Variants in ADGRL3 observed in about 807,000 individuals in gnomAD.
ADGRL3 encodes adhesion G protein-coupled receptor L3, also known as calcium-independent alpha-latrotoxin receptor 3.
Under a neutral mutation model 153.5 loss-of-function variants are expected in ADGRL3, and 62 were observed. That is an observed-to-expected ratio of 0.40 (90% CI 0.33 to 0.50). ADGRL3 has a LOEUF of 0.50. ADGRL3 is among the 20% of genes least tolerant of loss of function. ADGRL3 has a pLI of 0.47. For missense variants in ADGRL3, 1,641 were observed against 1,859.4 expected (o/e 0.88, Z 2.16); for synonymous variants, 710 against 672.5 (o/e 1.06, Z -0.86).
At chr4:62,017,440 GT>G (rs762736392) in intron 21 of ADGRL3, among the ~76,000 whole-genome samples, 104 of 141,570 alleles carry the variant, frequency 7.3e-4, no homozygotes, top group Admixed American at 8.5e-4. Flanking sequence ...TTACTTGGGA[GT>G]TTTTTTTTTT....
chr4:61,818,299 T>C (rs1255321229), intron 9 of ADGRL3, among the ~76,000 whole-genome samples: 2 of 152,082 alleles, frequency 1.3e-5, no homozygotes, highest in Non-Finnish European at 2.9e-5. Context: ...ACCTTAAAGC[T>C]CCTTTGCCTC....
intron 1 of ADGRL3, among the ~76,000 whole-genome samples, chr4:61,377,266 A>C (rs558834544): frequency 8.5e-5 from 13 of 152,184 alleles, no homozygotes; most frequent in African/African-American, 3.1e-4. Flanking sequence ...TAGTCACCAC[A>C]ATATATTTCT....
At chr4:62,005,763 A>G (rs2099155188) in intron 21 of ADGRL3, among the ~76,000 whole-genome samples, 1 of 151,716 alleles carries the variant, frequency 6.6e-6, no homozygotes, top group South Asian at 2.1e-4. Context: ...AAATCAGAGA[A>G]TAGTTACAAT....
chr4:61,266,547 G>T (rs925468869), intron 1 of ADGRL3, among the ~76,000 whole-genome samples: 2 of 151,766 alleles, frequency 1.3e-5, no homozygotes, highest in South Asian at 4.1e-4. Flanking sequence ...GACAGAATTT[G>T]TAGATAGGAA....
In ADGRL3 at chr4:61,587,252, G is replaced by A; in HGVS notation, c.285G>A (p.Met95Ile). ...AQAFSRAPIP[M>I]AVVRRELSCE... is the part of the protein sequence containing the mutation. ...CTTTCAGCCGTGCCCCAATTCCAAT[G>A]GCTGTGGTCCGCAGAGAGCTATCCT... is the stretch of plus-strand genomic sequence containing the variant. The change falls in exon 5 of 27, where the codon ATG becomes ATA. Residue 95 changes from methionine (M) to isoleucine (I), a missense_variant. Met to Ile is a conservative substitution (Grantham distance 10). Around this residue, in one of 5 missense-constraint regions of ADGRL3, gnomAD observed 145 missense variants for 79.1 expected, o/e 1.83. Transcript: ENST00000683033. 1 of 1,608,330 alleles carries A rather than the reference G, an allele frequency of 6.2e-7. No individual in the cohort carries two copies. Among genetic ancestry groups the A allele is most frequent in the South Asian group, 1.1e-5 (1 of 90,206 alleles).
At chr4:61,590,061 G>T (rs561741629) in intron 5 of ADGRL3, among the ~76,000 whole-genome samples, 8 of 152,006 alleles carry the variant, frequency 5.3e-5, no homozygotes, top group Non-Finnish European at 1.0e-4. Flanking sequence ...TCTAACCAGA[G>T]AACTTATTAA....
intron 5 of ADGRL3, among the ~76,000 whole-genome samples, chr4:61,620,710 G>A (rs1234540716): frequency 7.5e-6 from 1 of 133,482 alleles, no homozygotes; most frequent in Non-Finnish European, 1.5e-5. Context: ...GTGCGATCTC[G>A]GCTTACTGCA....
At chr4:61,595,815 G>T (rs2098986794) in intron 5 of ADGRL3, among the ~76,000 whole-genome samples, 1 of 152,150 alleles carries the variant, frequency 6.6e-6, no homozygotes, top group Non-Finnish European at 1.5e-5. Context: ...AGGCTTGCAT[G>T]AAACCCAAGT....
intron 4 of ADGRL3, among the ~76,000 whole-genome samples, chr4:61,571,504 G>A (rs2149136800): frequency 6.6e-6 from 1 of 152,018 alleles, no homozygotes. Flanking sequence ...CAGAGACCCT[G>A]TCTCAAAAAA....
intron 1 of ADGRL3, among the ~76,000 whole-genome samples, chr4:61,341,510 A>G (rs965144144): frequency 4.0e-5 from 6 of 150,812 alleles, no homozygotes; most frequent in African/African-American, 1.5e-4. Flanking sequence ...ATGGGGCATC[A>G]TATATATATA....
chr4:61,285,424 T>C (rs1344100767), intron 1 of ADGRL3, among the ~76,000 whole-genome samples: 1 of 151,848 alleles, frequency 6.6e-6, no homozygotes, highest in Non-Finnish European at 1.5e-5. Flanking sequence ...ATTCTATTAA[T>C]ATTTTTCCTC....
intron 8 of ADGRL3, among the ~76,000 whole-genome samples, chr4:61,757,844 G>T (rs927603622): frequency 5.9e-5 from 9 of 152,270 alleles, no homozygotes; most frequent in Non-Finnish European, 1.2e-4. Context: ...TGATTTCAAA[G>T]AACATCTTTA....
chr4:61,318,175 T>G (rs2095268241), intron 1 of ADGRL3, among the ~76,000 whole-genome samples: 1 of 115,342 alleles, frequency 8.7e-6, no homozygotes, highest in Admixed American at 1.2e-4. Flanking sequence ...GCCTGGGTGA[T>G]AGAGTGAGAA....
chr4:61,576,796 A>G (rs1293812107), intron 4 of ADGRL3, among the ~76,000 whole-genome samples: 2 of 151,622 alleles, frequency 1.3e-5, no homozygotes, highest in African/African-American at 2.4e-5. Flanking sequence ...GTTGGAAAAC[A>G]TAACAATGTG....
intron 8 of ADGRL3, among the ~76,000 whole-genome samples, chr4:61,749,033 T>C (rs2152028859): frequency 6.6e-6 from 1 of 151,396 alleles, no homozygotes; most frequent in Non-Finnish European, 1.5e-5. Flanking sequence ...AACAACCCCA[T>C]CAAAAAGTGG....
chr4:61,623,188 T>C (rs1217173639), intron 5 of ADGRL3, among the ~76,000 whole-genome samples: 1 of 152,152 alleles, frequency 6.6e-6, no homozygotes, highest in Non-Finnish European at 1.5e-5. Flanking sequence ...CTGTTCTTGC[T>C]ACCCTCTTTC....
chr4:61,768,808 G>A (rs1203920549), intron 8 of ADGRL3, among the ~76,000 whole-genome samples: 1 of 151,802 alleles, frequency 6.6e-6, no homozygotes, highest in African/African-American at 2.4e-5. Context: ...AAGGGGTGGG[G>A]GTTTCTTCCC....
intron 4 of ADGRL3, among the ~76,000 whole-genome samples, chr4:61,578,514 CTCTT>C (rs910928111): frequency 1.1e-4 from 16 of 151,918 alleles, no homozygotes; most frequent in Non-Finnish European, 2.9e-5. Flanking sequence ...TTTGATAAAT[CTCTT>C]TATTATGTCA....
chr4:61,570,694 A>AT (rs1278895102), intron 4 of ADGRL3, among the ~76,000 whole-genome samples: 3 of 151,976 alleles, frequency 2.0e-5, no homozygotes, highest in Non-Finnish European at 2.9e-5. Flanking sequence ...AGTAGAGGGA[A>AT]TTTTTTTTCC....
Sources: allele counts gnomAD v4.1 joint callset (sites outside exome capture counted in the v4.1 genomes callset), GRCh38; gene constraint gnomAD v4.1.1; regional missense constraint gnomAD v4.1.1; transcripts MANE v1.5; gene names NCBI Gene and HGNC (gene_info 2026-07-23, HGNC 2026-07-21).